The following AKAP13 variants were observed in gnomAD, a reference collection of about 807,000 sequenced individuals.
AKAP13 encodes A-kinase anchor protein 13.
In AKAP13, 80 loss-of-function variants were observed where a neutral mutation model predicts 264.5. The ratio of observed to expected loss-of-function variants is 0.30; its 90% CI spans 0.25 to 0.36. AKAP13 has a LOEUF of 0.36. AKAP13 is among the 10% of genes least tolerant of loss of function. The pLI is 1.00. For synonymous variants in AKAP13, 1,380 were observed against 1,250.2 expected, an observed-to-expected ratio of 1.10 and a Z score of -2.19; for missense variants, 3,712 against 3,435.2, an observed-to-expected ratio of 1.08 and a Z score of -2.01.
At chr15:85,434,447 C>A (rs1324817101) in intron 1 of AKAP13, among the ~76,000 whole-genome samples, 2 of 152,236 alleles carry the variant, frequency 1.3e-5, no homozygotes, top group Non-Finnish European at 2.9e-5. Context: ...AGCCGGGAAG[C>A]TCGAACTGGG....
At chr15:85,497,041 T>A (rs138053685) in intron 2 of AKAP13, among the ~76,000 whole-genome samples, 2 of 152,354 alleles carry the variant, frequency 1.3e-5, no homozygotes, top group African/African-American at 4.8e-5. Context: ...GGTCAAAGAC[T>A]TTTCAGAGCC....
chr15:85,397,502 A>G (rs1328308129), intron 1 of AKAP13, among the ~76,000 whole-genome samples: 1 of 152,216 alleles, frequency 6.6e-6, no homozygotes, highest in African/African-American at 2.4e-5. Flanking sequence ...AATTATATTT[A>G]TTCTCTCCCC....
intron 10 of AKAP13, among the ~76,000 whole-genome samples, chr15:85,653,193 T>G (rs1387229018): frequency 6.6e-6 from 1 of 152,206 alleles, no homozygotes; most frequent in Non-Finnish European, 1.5e-5. Flanking sequence ...ATTTACTCAG[T>G]GAACCATAGT....
In AKAP13 at chr15:85,522,374, A is replaced by C. The variant is rs115969725; in HGVS notation, c.181+799A>C. ...ATACAAGGAGACTGCAAGCAGATATAAGGGAAAAGGCAAATACAAAAAGCA... is the reference window on the plus strand; with the variant it reads ...ATACAAGGAGACTGCAAGCAGATATCAGGGAAAAGGCAAATACAAAAAGCA... On this transcript the variant is annotated intron_variant, in intron 3 of 36. Coordinates refer to ENST00000394518, the MANE Select transcript of AKAP13 (RefSeq NM_007200.5). Among the ~76,000 whole-genome samples the C allele has an allele frequency of 4.6e-3, 705 of 152,264 alleles. 6 individuals are homozygous for C. Among genetic ancestry groups the C allele is most frequent in the African/African-American group, 0.016 (671 of 41,524 alleles).
At chr15:85,451,066 G>A (rs2074071850) in intron 1 of AKAP13, among the ~76,000 whole-genome samples, 1 of 152,160 alleles carries the variant, frequency 6.6e-6, no homozygotes, top group African/African-American at 2.4e-5. Context: ...ATTTAAGATA[G>A]TTAGGTCTTC....
chr15:85,489,680 G>A (rs1253845523), intron 2 of AKAP13, among the ~76,000 whole-genome samples: 4 of 152,118 alleles, frequency 2.6e-5, no homozygotes, highest in Non-Finnish European at 5.9e-5. Flanking sequence ...CACTGTACCC[G>A]GAGAAGAACT....
intron 8 of AKAP13, among the ~76,000 whole-genome samples, chr15:85,625,316 A>G (rs369568859): frequency 2.0e-5 from 3 of 152,128 alleles, no homozygotes; most frequent in South Asian, 2.1e-4. Flanking sequence ...TTTAAACTCA[A>G]ATTATTTGCA....
At chr15:85,434,642 T>C (rs1410093215) in intron 1 of AKAP13, among the ~76,000 whole-genome samples, 2 of 151,990 alleles carry the variant, frequency 1.3e-5, no homozygotes, top group Admixed American at 1.3e-4. Context: ...GCAGACTGCC[T>C]CCTCAAGTGG....
chr15:85,470,635 A>G (rs1290632420), intron 1 of AKAP13, among the ~76,000 whole-genome samples: 2 of 152,206 alleles, frequency 1.3e-5, no homozygotes, highest in Non-Finnish European at 2.9e-5. Flanking sequence ...TTTCCAAAAT[A>G]GCTTTTCTTA....
At chr15:85,645,652 T>C (rs1220643209) in intron 9 of AKAP13, among the ~76,000 whole-genome samples, 166 bp from the exon 10 acceptor site, 1 of 152,154 alleles carries the variant, frequency 6.6e-6, no homozygotes, top group East Asian at 1.9e-4. Flanking sequence ...TGTCCTTTTA[T>C]AGCTTCTTAA....
chr15:85,546,054 C>T (rs2077725779), intron 5 of AKAP13, among the ~76,000 whole-genome samples: 1 of 152,110 alleles, frequency 6.6e-6, no homozygotes, highest in Non-Finnish European at 1.5e-5. Context: ...CTAGGTACCT[C>T]ATATAAGTGA....
intron 1 of AKAP13, among the ~76,000 whole-genome samples, chr15:85,394,371 A>G (rs575941036): frequency 3.3e-5 from 5 of 152,208 alleles, no homozygotes; most frequent in Non-Finnish European, 7.3e-5. Context: ...GGTTGGGGAA[A>G]GACCTGGGTC....
intron 1 of AKAP13, among the ~76,000 whole-genome samples, chr15:85,409,731 C>T (rs1298171794): frequency 6.7e-6 from 1 of 149,478 alleles, no homozygotes; most frequent in Admixed American, 6.6e-5. Flanking sequence ...CCTGGGTACA[C>T]GCCATTCTCC....
intron 5 of AKAP13, among the ~76,000 whole-genome samples, chr15:85,552,431 A>G (rs1328965954): frequency 1.3e-5 from 2 of 152,200 alleles, no homozygotes. Context: ...TATAATAATC[A>G]TTTTGACAAG....
chr15:85,402,712 T>G (rs2071483143), intron 1 of AKAP13, among the ~76,000 whole-genome samples: 1 of 152,222 alleles, frequency 6.6e-6, no homozygotes, highest in Admixed American at 6.5e-5. Flanking sequence ...TCTGTATGTC[T>G]CACTTAACCC....
chr15:85,428,068 T>C (rs2072875199), intron 1 of AKAP13, among the ~76,000 whole-genome samples: 1 of 152,200 alleles, frequency 6.6e-6, no homozygotes, highest in Non-Finnish European at 1.5e-5. Flanking sequence ...TGACTTCAAG[T>C]GTTCTTCCTG....
intron 19 of AKAP13, among the ~76,000 whole-genome samples, chr15:85,711,737 TGTA>T (rs1366361855): frequency 6.6e-6 from 1 of 152,130 alleles, no homozygotes. Context: ...TTCTTGAAAA[TGTA>T]GTTTTTTAGA....
chr15:85,613,679 TA>T lies in AKAP13; in HGVS notation c.4162-25682del, dbSNP rs762473477. On this transcript the variant is annotated intron_variant, in intron 8 of 36. Transcript: ENST00000394518. ...CTGGGCAACAGAGCCAGACTCCGTC[TA>T]AAAAAAAAAAAATATATATATATAT... Among the ~76,000 whole-genome samples the T allele has an allele frequency of 2.6e-4, 27 of 103,310 alleles. 1 individual carries two copies. The highest frequency in any genetic ancestry group is 6.2e-4 in the East Asian group (2 of 3,252). The allele number at this position is 103,310 out of a possible 152,430, so 67.8% of individuals were successfully genotyped here.
In AKAP13 at chr15:85,717,272, T is replaced by C; in HGVS notation, c.5736-18T>C. 2 of 1,536,768 alleles carry C rather than the reference T, an allele frequency of 1.3e-6. No individual in the cohort carries two copies. The highest frequency in any genetic ancestry group is 1.8e-6 in the Non-Finnish European group (2 of 1,115,624). ...ATCAGAATGTATTTGACAGTATGTA[T>C]TTTTCTTTTGTCCCCAGAGTTGGCA... On this transcript the variant is annotated intron_variant, in intron 20 of 36. Transcript: ENST00000394518.
Sources: gnomAD v4.1 joint callset for allele counts (sites outside exome capture counted in the v4.1 genomes callset) on GRCh38, gnomAD v4.1.1 for gene constraint, MANE v1.5 for transcripts, NCBI Gene and HGNC (gene_info 2026-07-23, HGNC 2026-07-21) for gene names.